RGS6: variants seen among roughly 807,000 people sequenced by gnomAD.
The protein encoded by RGS6 is regulator of G-protein signaling 6.
A neutral mutation model predicts 78.5 loss-of-function variants in RGS6; 30 were observed. That is an observed-to-expected ratio of 0.38 (90% CI 0.29 to 0.52). The LOEUF (loss-of-function observed/expected upper bound fraction) is 0.52, where lower values mean the gene tolerates loss of function less well. Ranked by LOEUF, RGS6 falls within the 20% of genes least tolerant of loss-of-function variation. RGS6 has a pLI of 0.85. For missense variants in RGS6, 495 were observed against 609.7 expected (o/e 0.81, Z 1.98); for synonymous variants, 206 against 206.0 (o/e 1.00, Z 0.00).
the RGS6 span, among the ~76,000 whole-genome samples, chr14:72,579,509 C>T: frequency 4.6e-5 from 7 of 152,174 alleles, no homozygotes; most frequent in Admixed American, 1.3e-4. Flanking sequence ...GTCCTATTGT[C>T]GTGAGACACT....
chr14:72,361,711 G>A (rs1044045743), intron 3 of RGS6, among the ~76,000 whole-genome samples: 3 of 152,182 alleles, frequency 2.0e-5, no homozygotes, highest in Non-Finnish European at 4.4e-5. Flanking sequence ...AGAGAAGGTG[G>A]TTGTGAGTTA....
chr14:72,048,902 C>T (rs1015602567), intron 2 of RGS6, among the ~76,000 whole-genome samples: 6 of 152,120 alleles, frequency 3.9e-5, no homozygotes, highest in African/African-American at 7.2e-5. Context: ...GTTTTGGCCC[C>T]ATTCATCTCA....
intron 3 of RGS6, among the ~76,000 whole-genome samples, chr14:72,399,860 C>A (rs1282134501): frequency 1.3e-5 from 2 of 152,124 alleles, no homozygotes; most frequent in African/African-American, 4.8e-5. Flanking sequence ...AAGAAACAAA[C>A]AAAGCCTCCA....
chr14:71,983,280 G>A (rs7155855), intron 2 of RGS6, among the ~76,000 whole-genome samples: 67,205 of 151,930 alleles, frequency 0.44, 15,312 homozygotes, highest in East Asian at 0.55. Flanking sequence ...ATACCTCTAC[G>A]TATGAAATGG....
At chr14:72,362,280 A>G (rs892356936) in intron 3 of RGS6, among the ~76,000 whole-genome samples, 56 of 152,262 alleles carry the variant, frequency 3.7e-4, no homozygotes, top group African/African-American at 1.3e-3. Context: ...GTTTGAGTCC[A>G]GGAGAGAGAA....
At chr14:71,892,242 G>A in the RGS6 span, among the ~76,000 whole-genome samples, 2 of 152,180 alleles carry the variant, frequency 1.3e-5, no homozygotes, top group Admixed American at 6.5e-5. Context: ...GAAATCTACT[G>A]GGAGGTGGCT....
intron 12 of RGS6, among the ~76,000 whole-genome samples, chr14:72,482,803 GT>G (rs761695648): frequency 3.3e-5 from 5 of 152,202 alleles, no homozygotes; most frequent in Non-Finnish European, 7.3e-5. Context: ...GCTAAAACAA[GT>G]CACTAAGCTG....
intron 2 of RGS6, among the ~76,000 whole-genome samples, chr14:72,111,073 C>A (rs964154301): frequency 5.3e-5 from 8 of 152,090 alleles, no homozygotes; most frequent in Non-Finnish European, 1.5e-5. Flanking sequence ...CAAGACTCTC[C>A]CGTTCTTTTC....
At chr14:71,989,086 A>AGATGC (rs1370584457) in intron 2 of RGS6, among the ~76,000 whole-genome samples, 1 of 152,290 alleles carries the variant, frequency 6.6e-6, no homozygotes, top group Admixed American at 6.5e-5. Context: ...TGCAATGTCC[A>AGATGC]AATGGCTGTC....
intron 9 of RGS6, among the ~76,000 whole-genome samples, chr14:72,473,462 T>A (rs2096147965): frequency 6.6e-6 from 1 of 152,134 alleles, no homozygotes; most frequent in Non-Finnish European, 1.5e-5. Context: ...AAAAAAATTA[T>A]TCATTCCTGA....
intron 2 of RGS6, among the ~76,000 whole-genome samples, chr14:72,173,542 G>A (rs528011467): frequency 1.8e-4 from 28 of 152,260 alleles, no homozygotes; most frequent in African/African-American, 6.3e-4. Context: ...AATAAAATGC[G>A]CGTTCAGGGA....
At position 72,562,646 on chromosome 14, in the gene RGS6, A is replaced by G; in HGVS notation, c.*179A>G. 2 of 1,535,746 alleles carry G rather than the reference A, an allele frequency of 1.3e-6. No individual in the cohort carries two copies. Among genetic ancestry groups the G allele is most frequent in the Non-Finnish European group, 8.7e-7 (1 of 1,146,748 alleles). Reference sequence around the variant, plus strand: ...GTGGGTGAATGGGGAGACCAGAAAGAAAGAGTCCACAGAGCCTGGGCTGGG... The same window carrying G: ...GTGGGTGAATGGGGAGACCAGAAAGGAAGAGTCCACAGAGCCTGGGCTGGG... On this transcript the variant is annotated 3_prime_UTR_variant, in exon 18 of 18. Coordinates refer to ENST00000553525, the MANE Select transcript of RGS6 (RefSeq NM_001204424.2).
rs547654510 is a variant in RGS6, at chr14:72,255,036, G to A, written c.85-97059G>A. On this transcript the variant is annotated intron_variant, in intron 2 of 17. Transcript: ENST00000553525. ...GTTTTGAGGCTCACAGTTCCCTGGG[G>A]AGACACAGCAGGCTGTGCTGGGCCA... 3.3e-5 allele frequency among the ~76,000 whole-genome samples: 5 copies of A among 152,326 alleles called. No individual in the cohort carries two copies. In the South Asian group the frequency reaches 1.0e-3, roughly 32 times the overall value.
At chr14:71,889,659 G>A in the RGS6 span, among the ~76,000 whole-genome samples, 7 of 152,180 alleles carry the variant, frequency 4.6e-5, no homozygotes, top group Admixed American at 6.5e-5. Context: ...GAAAGGAAAA[G>A]CAAGAGGCTG....
chr14:72,431,785 G>A (rs1264281921), intron 3 of RGS6, among the ~76,000 whole-genome samples: 2 of 152,078 alleles, frequency 1.3e-5, no homozygotes, highest in East Asian at 3.9e-4. Context: ...GAGCCCTCTG[G>A]CCAAATTCTC....
intron 2 of RGS6, among the ~76,000 whole-genome samples, chr14:72,000,691 C>T (rs1394386534): frequency 6.6e-6 from 1 of 152,062 alleles, no homozygotes; most frequent in Admixed American, 6.5e-5. Context: ...CCAGAGGAGT[C>T]AAGTTAGGGA....
chr14:72,417,111 A>C (rs932314298), intron 3 of RGS6, among the ~76,000 whole-genome samples: 2 of 152,170 alleles, frequency 1.3e-5, no homozygotes, highest in African/African-American at 4.8e-5. Context: ...TAAGCATGCC[A>C]CCTGCATGAA....
chr14:71,917,093 T>C, the RGS6 span, among the ~76,000 whole-genome samples: 1 of 152,236 alleles, frequency 6.6e-6, no homozygotes, highest in Admixed American at 6.5e-5. Flanking sequence ...TGGGTCAGGC[T>C]GCTTTAAGAT....
chr14:72,251,439 C>G (rs2055750147), intron 2 of RGS6, among the ~76,000 whole-genome samples: 1 of 152,152 alleles, frequency 6.6e-6, no homozygotes, highest in South Asian at 2.1e-4. Context: ...CACTTAGAAG[C>G]AAGGAAAACA....
Sources: gnomAD v4.1 joint callset for allele counts (sites outside exome capture counted in the v4.1 genomes callset) on GRCh38, gnomAD v4.1.1 for gene constraint, MANE v1.5 for transcripts, NCBI Gene and HGNC (gene_info 2026-07-23, HGNC 2026-07-21) for gene names.